The following PAK5 variants were observed in gnomAD, a reference collection of about 807,000 sequenced individuals.
The protein encoded by PAK5 is serine/threonine-protein kinase PAK 5.
Under a neutral mutation model 65.9 loss-of-function variants are expected in PAK5, and 16 were observed. The ratio of observed to expected loss-of-function variants is 0.24; its 90% CI spans 0.16 to 0.37. The LOEUF (loss-of-function observed/expected upper bound fraction) is 0.37, where lower values mean the gene tolerates loss of function less well. PAK5 is among the 10% of genes least tolerant of loss of function. The probability of loss-of-function intolerance (pLI) is 1.00; values close to 1 mark genes in which losing one functional copy is unlikely to be tolerated. For missense variants in PAK5, 785 were observed against 903.9 expected, an observed-to-expected ratio of 0.87 and a Z score of 1.69; for synonymous variants, 371 against 354.9, an observed-to-expected ratio of 1.05 and a Z score of -0.51.
chr20:9,572,880 A>C (rs1447291299), intron 4 of PAK5, among the ~76,000 whole-genome samples: 1 of 152,204 alleles, frequency 6.6e-6, no homozygotes, highest in African/African-American at 2.4e-5. Context: ...ATGGTCTGCA[A>C]AGTTTTCAGG....
At chr20:9,609,956 A>G (rs931274004) in intron 3 of PAK5, among the ~76,000 whole-genome samples, 1 of 152,118 alleles carries the variant, frequency 6.6e-6, no homozygotes, top group Non-Finnish European at 1.5e-5. Context: ...GCCAAATGGT[A>G]CTTTTCCTTT....
At chr20:9,655,280 G>A (rs921533564) in intron 2 of PAK5, among the ~76,000 whole-genome samples, 2 of 152,094 alleles carry the variant, frequency 1.3e-5, no homozygotes, top group Non-Finnish European at 2.9e-5. Flanking sequence ...AAGCTAAAAG[G>A]GAACTACTTT....
At chr20:9,617,647 T>G (rs1473564415) in intron 3 of PAK5, among the ~76,000 whole-genome samples, 4 of 146,748 alleles carry the variant, frequency 2.7e-5, no homozygotes, top group Non-Finnish European at 6.0e-5. Flanking sequence ...GCTCCACCTC[T>G]TAGGTTCGCG....
At chr20:9,660,134 T>G (rs565777508) in intron 2 of PAK5, among the ~76,000 whole-genome samples, 1 of 152,040 alleles carries the variant, frequency 6.6e-6, no homozygotes, top group South Asian at 2.1e-4. Context: ...GCCTGCCACC[T>G]GAGGCTCTCA....
chr20:9,540,053 C>A (rs116696127), intron 9 of PAK5, among the ~76,000 whole-genome samples: 1 of 152,174 alleles, frequency 6.6e-6, no homozygotes, highest in African/African-American at 2.4e-5. Context: ...GTAAGGATAT[C>A]GAACACATCT....
At chr20:9,741,184 T>C (rs888663148) in intron 1 of PAK5, among the ~76,000 whole-genome samples, 11 of 152,192 alleles carry the variant, frequency 7.2e-5, no homozygotes, top group African/African-American at 2.7e-4. Context: ...GACAAATTTA[T>C]GGCTCCATGA....
chr20:9,677,045 ATGTGTGTGTGTGTGTGTGTG>A (rs4053117), intron 2 of PAK5, among the ~76,000 whole-genome samples: 4 of 141,118 alleles, frequency 2.8e-5, no homozygotes, highest in South Asian at 2.4e-4. Flanking sequence ...GGGTATGTGC[ATGTGTGTGTGTGTGTGTGTG>A]TGTGTGTGTG....
intron 1 of PAK5, among the ~76,000 whole-genome samples, chr20:9,768,475 TAGAA>T (rs1408008628): frequency 6.6e-6 from 1 of 151,690 alleles, no homozygotes; most frequent in Non-Finnish European, 1.5e-5. Flanking sequence ...AAGTTGAAAT[TAGAA>T]AGAATAAATA....
intron 1 of PAK5, among the ~76,000 whole-genome samples, chr20:9,731,424 A>G (rs2048333808): frequency 6.6e-6 from 1 of 152,130 alleles, no homozygotes; most frequent in South Asian, 2.1e-4. Context: ...TATGTGTTTT[A>G]TGCTTTCAGC....
intron 1 of PAK5, among the ~76,000 whole-genome samples, chr20:9,718,874 C>T (rs866244872): frequency 6.6e-6 from 1 of 152,240 alleles, no homozygotes; most frequent in Non-Finnish European, 1.5e-5. Context: ...ACTCCAAGTA[C>T]ACAAAATCAT....
chr20:9,542,589 G>A lies in PAK5; in HGVS notation c.2001C>T (p.His667=). ...AGCAACAGCTGCTGTTTCTCACCTT[G>A]TGTAGGTCCTTCACTCTTGGAGGTA... ...DSLPPRVKDL[H]KVSSVLRGFL... Residue 667 remains histidine (H), a synonymous_variant, in exon 9 of 10, where the codon CAC becomes CAT. Transcript: ENST00000353224. 3 of 1,614,100 alleles carry A rather than the reference G, an allele frequency of 1.9e-6. No individual in the cohort carries two copies. Among genetic ancestry groups the A allele is most frequent in the Non-Finnish European group, 2.5e-6 (3 of 1,179,982 alleles).
At chr20:9,792,360 C>T (rs989730573) in intron 1 of PAK5, among the ~76,000 whole-genome samples, 4 of 152,072 alleles carry the variant, frequency 2.6e-5, no homozygotes, top group African/African-American at 9.7e-5. Flanking sequence ...AATCTCTGGC[C>T]CTGGCCTCTA....
chr20:9,699,548 T>C (rs1479291542), intron 2 of PAK5, among the ~76,000 whole-genome samples: 9 of 54,842 alleles, frequency 1.6e-4, no homozygotes, highest in African/African-American at 6.6e-4. Flanking sequence ...GTTATTTTGC[T>C]TCTTGTTTTT....
At chr20:9,639,884 AC>A (rs1378678889) in intron 3 of PAK5, among the ~76,000 whole-genome samples, 3 of 152,214 alleles carry the variant, frequency 2.0e-5, no homozygotes, top group Non-Finnish European at 1.5e-5. Flanking sequence ...CATCCACAGA[AC>A]ATGATGTGTT....
chr20:9,728,846 A>G (rs1164099555), intron 1 of PAK5, among the ~76,000 whole-genome samples: 1 of 151,930 alleles, frequency 6.6e-6, no homozygotes, highest in African/African-American at 2.4e-5. Context: ...ATTTCTCACT[A>G]CAATAGCGGA....
chr20:9,706,505 G>A (rs1600267481), intron 2 of PAK5, among the ~76,000 whole-genome samples: 1 of 142,838 alleles, frequency 7.0e-6, no homozygotes, highest in Non-Finnish European at 1.5e-5. Context: ...AAGACAGGGT[G>A]TGTTGCTCTG....
chr20:9,563,723 A>T (rs1194356563), intron 5 of PAK5, among the ~76,000 whole-genome samples: 1 of 152,168 alleles, frequency 6.6e-6, no homozygotes. Context: ...TATCTACATC[A>T]TATTGCTCTG....
intron 4 of PAK5, among the ~76,000 whole-genome samples, chr20:9,573,039 C>T (rs1027664990): frequency 6.6e-6 from 1 of 151,688 alleles, no homozygotes; most frequent in Non-Finnish European, 1.5e-5. Context: ...GGAATTCTCT[C>T]TACAGGAATC....
At chr20:9,722,473 A>G (rs1054410159) in intron 1 of PAK5, among the ~76,000 whole-genome samples, 2 of 151,702 alleles carry the variant, frequency 1.3e-5, no homozygotes, top group East Asian at 2.0e-4. Flanking sequence ...TTAGCTGGGC[A>G]TGGTGGCGGG....
Sources: gnomAD v4.1 joint callset for allele counts (sites outside exome capture counted in the v4.1 genomes callset) on GRCh38, gnomAD v4.1.1 for gene constraint, MANE v1.5 for transcripts, NCBI Gene and HGNC (gene_info 2026-07-23, HGNC 2026-07-21) for gene names.